COG6: variants seen among roughly 807,000 people sequenced by gnomAD.
COG6 encodes the protein conserved oligomeric Golgi complex subunit 6.
COG6 carries 74 observed loss-of-function variants against 88.8 expected under a neutral mutation model. The ratio of observed to expected loss-of-function variants is 0.83; its 90% CI spans 0.69 to 1.01. The LOEUF (loss-of-function observed/expected upper bound fraction) is 1.01. Ranked by LOEUF, COG6 falls within the 50% of genes least tolerant of loss-of-function variation. The pLI, the probability that COG6 is intolerant of heterozygous loss-of-function variation, is 0.00. For missense variants in COG6, 800 were observed against 797.9 expected (o/e 1.00, Z -0.03); for synonymous variants, 286 against 278.7 (o/e 1.03, Z -0.26).
chr13:39,743,587 G>A (rs1277482164), intron 18 of COG6, among the ~76,000 whole-genome samples: 1 of 152,050 alleles, frequency 6.6e-6, no homozygotes, highest in Non-Finnish European at 1.5e-5. Context: ...ACCAATAACA[G>A]GCTCTGAAAT....
Position 39,783,779 on chromosome 13 carries a change from T to C in COG6, c.1827-4556T>C, listed in dbSNP as rs1167907039. 2.0e-5 allele frequency among the ~76,000 whole-genome samples: 3 copies of C among 152,202 alleles called. No individual in the cohort carries two copies. The East Asian group carries it at 5.8e-4, about 29-fold the overall frequency. ...AGCACACCTGAACATCATTTATCTA[T>C]AGGCAGCTCCTCAAGCTAAGTGGCC... On this transcript the variant is annotated intron_variant, in intron 18 of 18. Coordinates refer to the COG6 transcript ENST00000416691.
At position 39,787,187 on chromosome 13, in the gene COG6, G is replaced by A. The variant is rs570995790; in HGVS notation, c.1827-1148G>A. 2.0e-5 allele frequency among the ~76,000 whole-genome samples: 3 copies of A among 152,282 alleles called. No homozygotes were observed. The East Asian group carries it at 5.8e-4, about 29-fold the overall frequency. ...AGGGGAGTGGAGTGAAAAAGAGAGTGTGGGTGGTCACTGCACAAAAAGCCA... is the reference window on the plus strand; with the variant it reads ...AGGGGAGTGGAGTGAAAAAGAGAGTATGGGTGGTCACTGCACAAAAAGCCA... On this transcript the variant is annotated intron_variant, in intron 18 of 18. Coordinates refer to the COG6 transcript ENST00000416691.
intron 18 of COG6, among the ~76,000 whole-genome samples, chr13:39,783,424 AT>A: frequency 6.6e-6 from 1 of 152,128 alleles, no homozygotes; most frequent in Non-Finnish European, 1.5e-5. Flanking sequence ...TTGTTTGTTC[AT>A]TTTTGTTCTG....
intron 12 of COG6, among the ~76,000 whole-genome samples, chr13:39,696,761 G>C (rs1007472633): frequency 6.6e-6 from 1 of 151,402 alleles, no homozygotes; most frequent in Non-Finnish European, 1.5e-5. Flanking sequence ...GAGCAGATTT[G>C]TGTTATAAGG....
intron 13 of COG6, among the ~76,000 whole-genome samples, chr13:39,713,443 A>T (rs1027200429): frequency 2.6e-5 from 4 of 152,190 alleles, no homozygotes; most frequent in African/African-American, 9.6e-5. Flanking sequence ...CTTCAAAAGA[A>T]ATATAGACTT....
rs1193538536 is a variant in COG6, at chr13:39,706,211, TCC to T, written c.1284+6594_1284+6595del. On this transcript the variant is annotated intron_variant, in intron 13 of 18. Transcript: ENST00000455146. ...ACACACACTTCTTTTATATATATAC[TCC>T]TTTATATATATATATACTCCTTTAT... 3.0e-4 allele frequency among the ~76,000 whole-genome samples: 9 copies of T among 29,690 alleles called. No homozygotes were observed. The East Asian group carries it at 8.8e-3, about 29-fold the overall frequency. The allele number at this position is 29,690 out of a possible 152,430, so 19.5% of individuals were successfully genotyped here.
intron 18 of COG6, among the ~76,000 whole-genome samples, chr13:39,779,030 A>G (rs1221271848): frequency 6.6e-6 from 1 of 152,238 alleles, no homozygotes; most frequent in Non-Finnish European, 1.5e-5. Context: ...AAGGAAAATT[A>G]TACTCCACTT....
At chr13:39,778,464 C>T (rs1422039326) in intron 18 of COG6, among the ~76,000 whole-genome samples, 1 of 152,174 alleles carries the variant, frequency 6.6e-6, no homozygotes, top group Non-Finnish European at 1.5e-5. Flanking sequence ...AAAACATTTA[C>T]TGAACATGTA....
intron 13 of COG6, among the ~76,000 whole-genome samples, chr13:39,712,375 C>T (rs2138061458): frequency 6.6e-6 from 1 of 151,318 alleles, no homozygotes; most frequent in East Asian, 1.9e-4. Context: ...TGTCTGTTGT[C>T]CAGAGGCTTA....
At chr13:39,705,201 G>C (rs951629261) in intron 13 of COG6, among the ~76,000 whole-genome samples, 2 of 152,124 alleles carry the variant, frequency 1.3e-5, no homozygotes, top group Admixed American at 6.5e-5. Flanking sequence ...TAGTATAATT[G>C]TTGGAAAGAA....
chr13:39,688,212 C>T (rs1290645611), intron 10 of COG6, among the ~76,000 whole-genome samples: 1 of 152,186 alleles, frequency 6.6e-6, no homozygotes, highest in Non-Finnish European at 1.5e-5. Flanking sequence ...CTAATTCTTT[C>T]ATTTCTGCTA....
rs187624091 is a variant in COG6, at chr13:39,741,137, C to A, written c.1827-9809C>A. Among the ~76,000 whole-genome samples, 118 of 152,208 alleles carry A rather than the reference C, an allele frequency of 7.8e-4. 3 individuals are homozygous for A. In the East Asian group the frequency reaches 0.018, roughly 23 times the overall value. On this transcript the variant is annotated intron_variant, in intron 18 of 18. Coordinates refer to ENST00000455146, the MANE Select transcript of COG6 (RefSeq NM_020751.3). ...TAATTATTTAGAATACAGTAAATTT[C>A]TTTGAACATATTTTAAAATGAGAAT...
At chr13:39,760,573 A>G (rs1184583806) in intron 18 of COG6, among the ~76,000 whole-genome samples, 1 of 152,192 alleles carries the variant, frequency 6.6e-6, no homozygotes. Flanking sequence ...TGAACTATTA[A>G]TAGGTTAATA....
rs1209470789 is a variant in COG6, at chr13:39,752,129, A to G, written c.*1036A>G. The G allele has an allele frequency of 4.0e-6, 5 of 1,245,868 alleles. No individual in the cohort carries two copies. The highest frequency in any genetic ancestry group is 4.1e-6 in the Non-Finnish European group (4 of 966,474). 77.2% of individuals were successfully genotyped at this position (1,245,868 alleles called of 1,614,324 possible). A position where few individuals can be genotyped will look rare whatever the true frequency, so the allele number is the denominator to read the frequency against. On this transcript the variant is annotated 3_prime_UTR_variant, in exon 19 of 19. Coordinates refer to ENST00000455146, the MANE Select transcript of COG6 (RefSeq NM_020751.3). ...AAAGGAATAAATCCCAGTGTGCCTG[A>G]TTTGACATTCTTGTCAGCAAAAAAA...
At position 39,751,630 on chromosome 13, in the gene COG6, G is replaced by A. The variant is rs1279553050; in HGVS notation, c.*537G>A. 7.8e-7 allele frequency: 1 copy of A among 1,287,008 alleles called. No homozygotes were observed. Among genetic ancestry groups the A allele is most frequent in the Non-Finnish European group, 1.0e-6 (1 of 988,590 alleles). The allele number at this position is 1,287,008 out of a possible 1,614,324, so 79.7% of individuals were successfully genotyped here. A position where few individuals can be genotyped will look rare whatever the true frequency, so the allele number is the denominator to read the frequency against. On this transcript the variant is annotated 3_prime_UTR_variant, in exon 19 of 19. Coordinates refer to ENST00000455146, the MANE Select transcript of COG6 (RefSeq NM_020751.3). ...AGCAGAGAGAAAAATAACAGTGAAT[G>A]TGCTCCTGGTGTATATGGCAGTGAA...
intron 8 of COG6, 88 bp from the exon 9 acceptor site, chr13:39,687,415 A>T: frequency 8.3e-7 from 1 of 1,203,690 alleles, no homozygotes; most frequent in East Asian, 2.3e-5. Flanking sequence ...CTTTTTAAGT[A>T]CTTGGTTGTC....
At chr13:39,659,249 C>G in intron 1 of COG6, 115 bp from the exon 2 acceptor site, 3 of 943,594 alleles carry the variant, frequency 3.2e-6, no homozygotes, top group Non-Finnish European at 4.9e-6. Context: ...CAATATTTTT[C>G]GGATTGGTTA....
At chr13:39,760,270 G>A (rs942508020) in intron 18 of COG6, among the ~76,000 whole-genome samples, 2 of 152,114 alleles carry the variant, frequency 1.3e-5, no homozygotes, top group African/African-American at 2.4e-5. Context: ...CCAGTGGAAT[G>A]TAAAATGATA....
chr13:39,774,642 T>C (rs958990886), intron 18 of COG6, among the ~76,000 whole-genome samples: 2 of 152,002 alleles, frequency 1.3e-5, no homozygotes, highest in African/African-American at 4.8e-5. Flanking sequence ...TGGTGCCATC[T>C]CAGCTCACTG....
Sources: gnomAD v4.1 joint callset for allele counts (sites outside exome capture counted in the v4.1 genomes callset) on GRCh38, gnomAD v4.1.1 for gene constraint, MANE v1.5 for transcripts, NCBI Gene and HGNC (gene_info 2026-07-23, HGNC 2026-07-21) for gene names.